NCOA2: variants seen among roughly 807,000 people sequenced by gnomAD.
NCOA2 encodes nuclear receptor coactivator 2, also known as class E basic helix-loop-helix protein 75.
Under a neutral mutation model 145.1 loss-of-function variants are expected in NCOA2, and 21 were observed. That is an observed-to-expected ratio of 0.14 (90% confidence interval 0.10 to 0.21). NCOA2 has a LOEUF of 0.21. Among genes scored for constraint, NCOA2 ranks in the 10% least tolerant of loss-of-function variants. The pLI is 1.00. For missense variants in NCOA2, 1,472 were observed against 1,837.6 expected (o/e 0.80, Z 3.64); for synonymous variants, 619 against 637.5 (o/e 0.97, Z 0.44).
intron 21 of NCOA2, among the ~76,000 whole-genome samples, chr8:70,121,874 C>A (rs1663231935): frequency 6.6e-6 from 1 of 152,200 alleles, no homozygotes; most frequent in South Asian, 2.1e-4. Context: ...TATTCATTTG[C>A]ATTTGTACAT....
At chr8:70,390,886 C>G (rs1421583613) in intron 1 of NCOA2, among the ~76,000 whole-genome samples, 1 of 152,228 alleles carries the variant, frequency 6.6e-6, no homozygotes, top group Admixed American at 6.5e-5. Context: ...CCAGGTACCT[C>G]TCTCTGGTGT....
At chr8:70,163,351 G>A in intron 8 of NCOA2, 114 bp downstream of exon 8, 5 of 708,712 alleles carry the variant, frequency 7.1e-6, no homozygotes, top group Non-Finnish European at 9.5e-6. Flanking sequence ...TTCTACTGCA[G>A]CAGCAATTGC....
intron 11 of NCOA2, among the ~76,000 whole-genome samples, chr8:70,149,539 C>A (rs1811519964): frequency 6.6e-6 from 1 of 150,686 alleles, no homozygotes; most frequent in Non-Finnish European, 1.5e-5. Context: ...CCGTGCCTGT[C>A]TACAGAAGCC....
rs560293008 is a variant in NCOA2, at chr8:70,156,504, C to A, written c.1861G>T (p.Val621Leu). 2.0e-4 allele frequency: 315 copies of A among 1,613,884 alleles called. 3 individuals are homozygous for A. The South Asian group carries it at 3.3e-3, about 17-fold the overall frequency. Residue 621 changes from valine to leucine, a missense_variant, in exon 11 of 23, where the codon GTG (valine) becomes TTG (leucine). Coordinates refer to ENST00000452400, the MANE Select transcript of NCOA2 (RefSeq NM_006540.4). ...TGCCCGTCAGCTCTCTCACTGCTCA[C>A]GGCCGGGGGCAGGTTGGGGTCATTT... The part of the protein sequence containing the change: ...ETNDPNLPPA[V>L]SSERADGQSR...
chr8:70,222,107 A>C (rs948237843), intron 2 of NCOA2, among the ~76,000 whole-genome samples: 2 of 152,192 alleles, frequency 1.3e-5, no homozygotes, highest in African/African-American at 4.8e-5. Flanking sequence ...GAATCAAAAA[A>C]CTGTACATTA....
intron 4 of NCOA2, among the ~76,000 whole-genome samples, chr8:70,176,003 TCA>T (rs1238581378): frequency 1.3e-5 from 2 of 152,188 alleles, no homozygotes; most frequent in African/African-American, 4.8e-5. Flanking sequence ...GACAAAGCTT[TCA>T]CAGAGGGGAG....
At chr8:70,267,186 C>G (rs1194419973) in intron 2 of NCOA2, among the ~76,000 whole-genome samples, 2 of 152,112 alleles carry the variant, frequency 1.3e-5, no homozygotes, top group East Asian at 3.9e-4. Context: ...ACATTAATCT[C>G]CATAAAATGA....
At chr8:70,417,260 A>AAT in the NCOA2 span, among the ~76,000 whole-genome samples, 1 of 149,302 alleles carries the variant, frequency 6.7e-6, no homozygotes, top group East Asian at 1.9e-4. Context: ...AAAAAAAAAA[A>AAT]AAAAAAGGCC....
intron 2 of NCOA2, among the ~76,000 whole-genome samples, chr8:70,231,214 G>A (rs1431704445): frequency 2.0e-5 from 3 of 152,184 alleles, no homozygotes; most frequent in Non-Finnish European, 2.9e-5. Context: ...AATTCACAAC[G>A]AGTATTAAGA....
chr8:70,195,661 A>G (rs900906632), intron 4 of NCOA2, among the ~76,000 whole-genome samples: 6 of 152,208 alleles, frequency 3.9e-5, no homozygotes, highest in African/African-American at 9.7e-5. Context: ...GCAGATTGTT[A>G]GACCAAAGTT....
chr8:70,185,897 T>C (rs1021989248), intron 4 of NCOA2, among the ~76,000 whole-genome samples: 2 of 152,232 alleles, frequency 1.3e-5, no homozygotes, highest in African/African-American at 4.8e-5. Flanking sequence ...TACCATTTCT[T>C]GTGATTCTCC....
At chr8:70,354,584 G>A (rs529017480) in intron 1 of NCOA2, among the ~76,000 whole-genome samples, 209 of 152,026 alleles carry the variant, frequency 1.4e-3, no homozygotes, top group African/African-American at 4.9e-3. Context: ...TAACCCAATG[G>A]GCCAGGGACT....
chr8:70,357,894 T>C (rs1007687548), intron 1 of NCOA2, among the ~76,000 whole-genome samples: 1 of 150,446 alleles, frequency 6.6e-6, no homozygotes. Context: ...CTACTAAAAA[T>C]ACAAAAATTA....
intron 5 of NCOA2, among the ~76,000 whole-genome samples, chr8:70,172,007 T>A (rs1459102363): frequency 6.6e-6 from 1 of 152,164 alleles, no homozygotes; most frequent in Non-Finnish European, 1.5e-5. Context: ...TTTATTTTTG[T>A]AATGATGGGG....
intron 1 of NCOA2, among the ~76,000 whole-genome samples, chr8:70,366,249 A>G (rs1265990560): frequency 2.0e-5 from 3 of 152,150 alleles, no homozygotes. Flanking sequence ...GCATCCCAAA[A>G]GTGAAGTATG....
chr8:70,420,898 C>T, the NCOA2 span, among the ~76,000 whole-genome samples: 3 of 152,174 alleles, frequency 2.0e-5, no homozygotes, highest in Admixed American at 2.0e-4. Flanking sequence ...CTGCGTTGGC[C>T]TCCCAAAGTG....
At chr8:70,168,433 C>T (rs940048719) in intron 6 of NCOA2, among the ~76,000 whole-genome samples, 1 of 152,174 alleles carries the variant, frequency 6.6e-6, no homozygotes, top group Non-Finnish European at 1.5e-5. Flanking sequence ...ATTCTCATGC[C>T]TCAGCCTCTG....
At chr8:70,188,411 G>A (rs555351340) in intron 4 of NCOA2, among the ~76,000 whole-genome samples, 16 of 152,164 alleles carry the variant, frequency 1.1e-4, no homozygotes, top group Non-Finnish European at 2.2e-4. Context: ...AATGCCGTAA[G>A]GCTATGCTGA....
chr8:70,407,299 T>C (rs1373254929), upstream of NCOA2, among the ~76,000 whole-genome samples: 1 of 152,254 alleles, frequency 6.6e-6, no homozygotes, highest in Admixed American at 6.5e-5. Flanking sequence ...AAATGTCTAA[T>C]ATAAGTCAAG....
Sources: gnomAD v4.1 joint callset for allele counts (sites outside exome capture counted in the v4.1 genomes callset) on GRCh38, gnomAD v4.1.1 for gene constraint, MANE v1.5 for transcripts, NCBI Gene and HGNC (gene_info 2026-07-23, HGNC 2026-07-21) for gene names.